Variants in VAMP4 observed in about 807,000 individuals in gnomAD.
VAMP4 encodes vesicle-associated membrane protein 4.
VAMP4 carries 19 observed loss-of-function variants against 23.5 expected under a neutral mutation model. The observed-to-expected ratio is 0.81, with a 90% CI of 0.56 to 1.19. The LOEUF is 1.19. VAMP4 is among the 50% of genes most tolerant of loss of function. The probability of loss-of-function intolerance (pLI) is 0.00; values close to 1 mark genes in which losing one functional copy is unlikely to be tolerated. For missense variants in VAMP4, 145 were observed against 168.6 expected, an observed-to-expected ratio of 0.86 and a Z score of 0.78; for synonymous variants, 31 against 51.0, an observed-to-expected ratio of 0.61 and a Z score of 1.67.
At position 171,728,590 on chromosome 1, in the gene VAMP4, A is replaced by C; in HGVS notation, c.67-20T>G. ...ATTTCTCTGTCAAAAAAAGAAAAAG[A>C]CTTGAGTTTTCAGATTCAGAGGGCT... On this transcript the variant is annotated intron_variant, in intron 2 of 7. Transcript: ENST00000236192. The C allele has an allele frequency of 1.9e-6, 3 of 1,558,304 alleles. No homozygotes were observed. Among genetic ancestry groups the C allele is most frequent in the Non-Finnish European group, 2.6e-6 (3 of 1,153,902 alleles).
At chr1:171,715,127 A>G (rs913709058) in intron 4 of VAMP4, among the ~76,000 whole-genome samples, 19 of 152,192 alleles carry the variant, frequency 1.2e-4, no homozygotes, top group Admixed American at 3.3e-4. Flanking sequence ...AGGAATTGGG[A>G]AAAGAGTAGA....
In VAMP4 at chr1:171,700,969, T is replaced by C. The variant is rs1365822655; in HGVS notation, c.*3537A>G. 2.0e-5 allele frequency: 3 copies of C among 151,994 alleles called. No individual in the cohort carries two copies. Among genetic ancestry groups the C allele is most frequent in the Non-Finnish European group, 4.4e-5 (3 of 68,000 alleles). The allele number at this position is 151,994 out of a possible 1,614,324, so 9.4% of individuals were successfully genotyped here. ...TTGTATTCCCATCCCTAATTCTACTTGGTTTCCAGAAGAAAAAAAAAATCA... is the reference window on the plus strand; with the variant it reads ...TTGTATTCCCATCCCTAATTCTACTCGGTTTCCAGAAGAAAAAAAAAATCA... On this transcript the variant is annotated 3_prime_UTR_variant, in exon 8 of 8. Transcript: ENST00000236192.
intron 6 of VAMP4, among the ~76,000 whole-genome samples, chr1:171,707,474 C>A (rs890782412): frequency 6.6e-6 from 1 of 152,116 alleles, no homozygotes; most frequent in Non-Finnish European, 1.5e-5. Context: ...CTGGCAACTC[C>A]TGATCTGCGT....
At chr1:171,726,142 C>A (rs1429648465) in intron 3 of VAMP4, among the ~76,000 whole-genome samples, 1 of 152,132 alleles carries the variant, frequency 6.6e-6, no homozygotes, top group Non-Finnish European at 1.5e-5. Context: ...ACCTCCAACT[C>A]CTGGGTTCAA....
chr1:171,729,309 G>C (rs1655483635), intron 2 of VAMP4, among the ~76,000 whole-genome samples: 5 of 152,042 alleles, frequency 3.3e-5, no homozygotes, highest in Admixed American at 2.6e-4. Context: ...TAGAATATTT[G>C]CATATATATA....
chr1:171,712,001 G>A lies in VAMP4; in HGVS notation c.165-1187C>T, dbSNP rs11582973. On this transcript the variant is annotated intron_variant, in intron 4 of 7. Transcript: ENST00000236192. ...ACATGCTGTACGGGTTTGTAGCTTA[G>A]GAGCTATAAGCCATACCATATAGCC... Among the ~76,000 whole-genome samples the A allele has an allele frequency of 3.8e-3, 581 of 152,186 alleles. 3 individuals are homozygous for A. The highest frequency in any genetic ancestry group is 0.013 in the African/African-American group (531 of 41,516).
Position 171,738,374 on chromosome 1 carries a change from ACAT to A in VAMP4, c.38_40del (p.Asp13del), listed in dbSNP as rs1222660109. 10 of 1,614,024 alleles carry A rather than the reference ACAT, an allele frequency of 6.2e-6. No homozygotes were observed. The highest frequency in any genetic ancestry group is 8.5e-6 in the Non-Finnish European group (10 of 1,179,996). ...CCTTTCACTTTTCACAGAACCTGTG[ACAT>A]CATCATCATTGAGGTGGCGCTTAAA... is the stretch of plus-strand genomic sequence containing the variant. On this transcript the variant is annotated inframe_deletion, in exon 2 of 8. Transcript: ENST00000236192.
At chr1:171,710,090 A>G (rs184108409) in intron 5 of VAMP4, among the ~76,000 whole-genome samples, 1 of 152,228 alleles carries the variant, frequency 6.6e-6, no homozygotes, top group Non-Finnish European at 1.5e-5. Context: ...CACCTCTAGA[A>G]AAAAAATTAC....
At position 171,701,467 on chromosome 1, in the gene VAMP4, G is replaced by A. The variant is rs528903492; in HGVS notation, c.*3039C>T. 2.6e-5 allele frequency: 4 copies of A among 152,306 alleles called. No homozygotes were observed. Among genetic ancestry groups the A allele is most frequent in the Admixed American group, 2.6e-4 (4 of 15,296 alleles). The allele number at this position is 152,306 out of a possible 1,614,324, so 9.4% of individuals were successfully genotyped here. ...ATGTTTTAGAGTATACCGGCAATGA[G>A]AGATTTCAATTACTTTATATTCCTG... On this transcript the variant is annotated 3_prime_UTR_variant, in exon 8 of 8. Coordinates refer to ENST00000236192, the MANE Select transcript of VAMP4 (RefSeq NM_003762.5).
At position 171,703,415 on chromosome 1, in the gene VAMP4, GTGTTTGTGTGTATATATA is replaced by G. The variant is rs1654519850; in HGVS notation, c.*1073_*1090del. On this transcript the variant is annotated 3_prime_UTR_variant, in exon 8 of 8. Coordinates refer to ENST00000236192, the MANE Select transcript of VAMP4 (RefSeq NM_003762.5). ...TGCGTGTGTGTGTGTGTGTGTGTGT[GTGTTTGTGTGTATATATA>G]TATATATATATATATATATATATAT... is the stretch of plus-strand genomic sequence containing the variant. The G allele has an allele frequency of 9.9e-6, 1 of 101,146 alleles. No individual in the cohort carries two copies. Among genetic ancestry groups the G allele is most frequent in the African/African-American group, 3.9e-5 (1 of 25,742 alleles). 6.3% of individuals were successfully genotyped at this position (101,146 alleles called of 1,614,324 possible). A position where few individuals can be genotyped will look rare whatever the true frequency, so the allele number is the denominator to read the frequency against.
chr1:171,723,149 T>C (rs1655251850), intron 3 of VAMP4, among the ~76,000 whole-genome samples: 1 of 151,904 alleles, frequency 6.6e-6, no homozygotes, highest in South Asian at 2.1e-4. Context: ...ACTAATAGGG[T>C]GTGGATTATA....
chr1:171,704,566 T>A, intron 7 of VAMP4, 32 bp from the exon 8 acceptor site: 1 of 1,510,992 alleles, frequency 6.6e-7, no homozygotes, highest in Non-Finnish European at 9.0e-7. Context: ...AAGCAATATA[T>A]CAACATCAGA....
intron 4 of VAMP4, among the ~76,000 whole-genome samples, chr1:171,718,392 C>T (rs535460796): frequency 1.3e-5 from 2 of 152,120 alleles, no homozygotes; most frequent in Admixed American, 1.3e-4. Context: ...GTTCACATTC[C>T]ACAGTTAGTC....
intron 4 of VAMP4, 83 bp downstream of exon 4, chr1:171,719,088 G>A (rs1655106759): frequency 8.1e-7 from 1 of 1,241,928 alleles, no homozygotes; most frequent in Non-Finnish European, 1.1e-6. Context: ...GCTGCAGCCA[G>A]ATTTGGCTCA....
chr1:171,741,422 C>T lies in VAMP4; in HGVS notation c.-50+488G>A, dbSNP rs75532643. 6.5e-3 allele frequency among the ~76,000 whole-genome samples: 992 copies of T among 152,154 alleles called. 14 individuals carry two copies. The highest frequency in any genetic ancestry group is 0.023 in the African/African-American group (947 of 41,482). On this transcript the variant is annotated intron_variant, in intron 1 of 7. Transcript: ENST00000236192. ...GTCAAGTGTAACGATTCACCCCCAC[C>T]TTCCGGTCATTATAAACACAGCAGG...
intron 4 of VAMP4, among the ~76,000 whole-genome samples, chr1:171,712,798 C>T (rs953146022): frequency 6.6e-6 from 1 of 152,122 alleles, no homozygotes; most frequent in South Asian, 2.1e-4. Context: ...ATAATGAGAA[C>T]CTACTATGTA....
intron 4 of VAMP4, among the ~76,000 whole-genome samples, chr1:171,718,063 C>CT (rs1256956989): frequency 1.3e-5 from 2 of 152,100 alleles, no homozygotes; most frequent in Non-Finnish European, 2.9e-5. Context: ...CCCAAGGAAA[C>CT]TGTGAGATGA....
At chr1:171,706,796 C>T (rs1253038428) in intron 6 of VAMP4, among the ~76,000 whole-genome samples, 1 of 152,174 alleles carries the variant, frequency 6.6e-6, no homozygotes, top group African/African-American at 2.4e-5. Context: ...AAATACTGTA[C>T]ATTTTCTCTG....
intron 3 of VAMP4, among the ~76,000 whole-genome samples, chr1:171,724,509 G>T (rs780796409): frequency 2.0e-5 from 3 of 151,820 alleles, no homozygotes; most frequent in Non-Finnish European, 4.4e-5. Flanking sequence ...GGATCAATTT[G>T]ACAAAGAAAA....
Sources: gnomAD v4.1 joint callset for allele counts (sites outside exome capture counted in the v4.1 genomes callset) on GRCh38, gnomAD v4.1.1 for gene constraint, MANE v1.5 for transcripts, NCBI Gene and HGNC (gene_info 2026-07-23, HGNC 2026-07-21) for gene names.